The following SHISA9 variants were observed in gnomAD, a reference collection of about 807,000 sequenced individuals.
SHISA9 encodes protein shisa-9.
A neutral mutation model predicts 38.0 loss-of-function variants in SHISA9; 13 were observed. That is an observed-to-expected ratio of 0.34 (90% CI 0.22 to 0.54). The LOEUF (loss-of-function observed/expected upper bound fraction) is 0.54, where lower values mean the gene tolerates loss of function less well. Among genes scored for constraint, SHISA9 ranks in the 20% least tolerant of loss-of-function variants. SHISA9 has a pLI of 0.91. For missense variants in SHISA9, 538 were observed against 575.8 expected (o/e 0.93, Z 0.67); for synonymous variants, 275 against 242.0 (o/e 1.14, Z -1.27).
At chr16:12,957,112 A>T (rs1011452344) in intron 2 of SHISA9, among the ~76,000 whole-genome samples, 6 of 152,096 alleles carry the variant, frequency 3.9e-5, no homozygotes, top group African/African-American at 1.4e-4. Flanking sequence ...CCCTTACAAA[A>T]TGAAATCATA....
the SHISA9 span, among the ~76,000 whole-genome samples, chr16:13,504,303 ACACCATTTATG>A: frequency 6.6e-6 from 1 of 152,154 alleles, no homozygotes; most frequent in Non-Finnish European, 1.5e-5. Flanking sequence ...CAGAAAGTAT[ACACCATTTATG>A]CGTCATTTAA....
chr16:13,458,031 G>A, the SHISA9 span, among the ~76,000 whole-genome samples: 1 of 151,238 alleles, frequency 6.6e-6, no homozygotes, highest in Non-Finnish European at 1.5e-5. Context: ...TGTCTGACAT[G>A]GACTAGAAAC....
chr16:13,158,248 C>T (rs1435831144), intron 2 of SHISA9, among the ~76,000 whole-genome samples: 3 of 152,186 alleles, frequency 2.0e-5, no homozygotes, highest in African/African-American at 7.2e-5. Flanking sequence ...CCCAGCTTTG[C>T]CTCTCACTGA....
the SHISA9 span, among the ~76,000 whole-genome samples, chr16:13,295,576 C>T: frequency 6.6e-6 from 1 of 152,188 alleles, no homozygotes; most frequent in East Asian, 1.9e-4. Flanking sequence ...AGGAGACGAG[C>T]CTTGGTTTGC....
intron 2 of SHISA9, among the ~76,000 whole-genome samples, chr16:13,067,661 C>T (rs1183714063): frequency 1.3e-5 from 2 of 152,214 alleles, no homozygotes; most frequent in African/African-American, 2.4e-5. Flanking sequence ...AGGAAAATTT[C>T]AATGCCTTGG....
At chr16:13,412,738 T>C in the SHISA9 span, among the ~76,000 whole-genome samples, 1 of 151,580 alleles carries the variant, frequency 6.6e-6, no homozygotes, top group Non-Finnish European at 1.5e-5. Context: ...ACACTGGTAG[T>C]TCCAGGTACT....
At chr16:13,419,584 A>T in the SHISA9 span, among the ~76,000 whole-genome samples, 1 of 152,212 alleles carries the variant, frequency 6.6e-6, no homozygotes, top group Non-Finnish European at 1.5e-5. Flanking sequence ...GTTATAAGAG[A>T]GGATTAAAAA....
chr16:13,448,441 G>A, the SHISA9 span, among the ~76,000 whole-genome samples: 2 of 152,146 alleles, frequency 1.3e-5, no homozygotes, highest in African/African-American at 4.8e-5. Context: ...TCATCACAAA[G>A]ACACCCTCTC....
At chr16:13,500,523 G>A in the SHISA9 span, among the ~76,000 whole-genome samples, 1 of 151,884 alleles carries the variant, frequency 6.6e-6, no homozygotes, top group Admixed American at 6.6e-5. Context: ...GATGGGCCAG[G>A]TGAATGGTAG....
At chr16:12,949,719 T>A (rs2071730694) in intron 2 of SHISA9, among the ~76,000 whole-genome samples, 1 of 152,230 alleles carries the variant, frequency 6.6e-6, no homozygotes, top group Non-Finnish European at 1.5e-5. Flanking sequence ...CACTTATTTT[T>A]TATATTATCT....
At chr16:13,115,140 CT>C (rs1468129732) in intron 2 of SHISA9, among the ~76,000 whole-genome samples, 1 of 152,158 alleles carries the variant, frequency 6.6e-6, no homozygotes, top group Non-Finnish European at 1.5e-5. Context: ...ACTCAGTTTT[CT>C]TGCCTGATTC....
At chr16:13,232,334 T>A (rs1034366216) in intron 4 of SHISA9, among the ~76,000 whole-genome samples, 1 of 152,002 alleles carries the variant, frequency 6.6e-6, no homozygotes, top group Non-Finnish European at 1.5e-5. Flanking sequence ...AATTGTCAAA[T>A]GAAAAACAAA....
At chr16:13,490,460 G>A in the SHISA9 span, among the ~76,000 whole-genome samples, 4 of 152,184 alleles carry the variant, frequency 2.6e-5, no homozygotes, top group East Asian at 7.7e-4. Context: ...AGCTCCTTGG[G>A]AGGATGAGGT....
chr16:13,445,714 C>G, the SHISA9 span, among the ~76,000 whole-genome samples: 4 of 152,138 alleles, frequency 2.6e-5, no homozygotes, highest in Non-Finnish European at 4.4e-5. Flanking sequence ...AATCTAGGGA[C>G]AATATACTGA....
chr16:13,469,382 AAAG>A, the SHISA9 span, among the ~76,000 whole-genome samples: 36 of 95,968 alleles, frequency 3.8e-4, 1 homozygote, highest in East Asian at 4.3e-3. Context: ...AGAAAGAAAG[AAAG>A]AAAGAAAGAA....
chr16:13,387,286 T>C, the SHISA9 span, among the ~76,000 whole-genome samples: 1 of 152,166 alleles, frequency 6.6e-6, no homozygotes, highest in African/African-American at 2.4e-5. Context: ...CAATTTAAGA[T>C]GAAGTCATAC....
At chr16:13,384,416 C>T in the SHISA9 span, among the ~76,000 whole-genome samples, 1 of 152,150 alleles carries the variant, frequency 6.6e-6, no homozygotes, top group East Asian at 1.9e-4. Flanking sequence ...ACTTTTGTTA[C>T]CTTGAGGACT....
chr16:13,402,438 C>T, the SHISA9 span, among the ~76,000 whole-genome samples: 1 of 152,068 alleles, frequency 6.6e-6, no homozygotes, highest in South Asian at 2.1e-4. Context: ...AGTGAATTCA[C>T]CCTTCCTCCG....
intron 2 of SHISA9, among the ~76,000 whole-genome samples, chr16:13,134,739 C>T (rs112860720): frequency 1.8e-4 from 28 of 152,102 alleles, no homozygotes; most frequent in African/African-American, 6.7e-4. Flanking sequence ...AGTTATGTTG[C>T]CATAACAAGT....
Sources: allele counts gnomAD v4.1 joint callset (sites outside exome capture counted in the v4.1 genomes callset), GRCh38; gene constraint gnomAD v4.1.1; transcripts MANE v1.5; gene names NCBI Gene and HGNC (gene_info 2026-07-23, HGNC 2026-07-21).